The following ROBO2 variants were observed in gnomAD, a reference collection of about 807,000 sequenced individuals.
The protein encoded by ROBO2 is roundabout guidance receptor 2.
Under a neutral mutation model 160.8 loss-of-function variants are expected in ROBO2, and 53 were observed. The ratio of observed to expected loss-of-function variants is 0.33; its 90% CI spans 0.26 to 0.41. ROBO2 has a LOEUF of 0.41. Among genes scored for constraint, ROBO2 ranks in the 10% least tolerant of loss-of-function variants. ROBO2 has a pLI of 1.00. For synonymous variants in ROBO2, 664 were observed against 611.7 expected (o/e 1.09, Z -1.26); for missense variants, 1,577 against 1,722.4 (o/e 0.92, Z 1.49).
At chr3:77,187,454 A>G (rs1284526638) in intron 2 of ROBO2, among the ~76,000 whole-genome samples, 1 of 151,956 alleles carries the variant, frequency 6.6e-6, no homozygotes, top group African/African-American at 2.4e-5. Context: ...ATGTCAAAAC[A>G]GTAAAATATC....
intron 2 of ROBO2, among the ~76,000 whole-genome samples, chr3:76,790,625 C>T (rs929966256): frequency 1.3e-5 from 2 of 151,656 alleles, no homozygotes; most frequent in Non-Finnish European, 3.0e-5. Flanking sequence ...TTATCTAACA[C>T]GAAGCTTACT....
intron 2 of ROBO2, among the ~76,000 whole-genome samples, chr3:76,296,808 G>T (rs1329307827): frequency 6.6e-6 from 1 of 152,164 alleles, no homozygotes; most frequent in Non-Finnish European, 1.5e-5. Context: ...TGACTTTATA[G>T]ATTCAATGTC....
chr3:75,921,883 C>T (rs952014980), intron 1 of ROBO2, among the ~76,000 whole-genome samples: 1 of 152,070 alleles, frequency 6.6e-6, no homozygotes, highest in Non-Finnish European at 1.5e-5. Flanking sequence ...ATGTGTAGAA[C>T]AAATTGGTAA....
At chr3:76,287,614 T>C (rs1245296873) in intron 2 of ROBO2, among the ~76,000 whole-genome samples, 1 of 152,208 alleles carries the variant, frequency 6.6e-6, no homozygotes, top group East Asian at 1.9e-4. Context: ...TCTTAAGTGA[T>C]TATTCTATTT....
At chr3:76,722,225 G>T (rs187843641) in intron 2 of ROBO2, among the ~76,000 whole-genome samples, 1 of 151,942 alleles carries the variant, frequency 6.6e-6, no homozygotes, top group East Asian at 1.9e-4. Context: ...GTTTCACGCC[G>T]TTCTTCTGCC....
At chr3:77,258,553 G>A (rs1001395558) in intron 2 of ROBO2, among the ~76,000 whole-genome samples, 1 of 151,036 alleles carries the variant, frequency 6.6e-6, no homozygotes, top group Admixed American at 6.6e-5. Flanking sequence ...AACCCGGGAG[G>A]TTAAGACTTC....
rs1435637364 is a variant in ROBO2, at chr3:77,546,316, TTTC to T, written c.935-19_935-17del. The T allele has an allele frequency of 6.2e-7, 1 of 1,612,234 alleles. No individual in the cohort carries two copies. Among genetic ancestry groups the T allele is most frequent in the Non-Finnish European group, 8.5e-7 (1 of 1,178,666 alleles). On this transcript the variant is annotated intron_variant, in intron 6 of 25. Coordinates refer to ENST00000461745, the Ensembl canonical transcript of ROBO2. ...TTGTCTATGGTTGATATTTACACGC[TTTC>T]TTTTCTTTTAAATTATAGCTCCCCC...
At chr3:77,189,474 C>T (rs750303297) in intron 2 of ROBO2, among the ~76,000 whole-genome samples, 18 of 151,838 alleles carry the variant, frequency 1.2e-4, no homozygotes, top group Non-Finnish European at 2.1e-4. Flanking sequence ...TGGGAACATG[C>T]ATCACTTACA....
At chr3:76,026,642 A>G (rs1174186065) in intron 2 of ROBO2, among the ~76,000 whole-genome samples, 2 of 151,998 alleles carry the variant, frequency 1.3e-5, no homozygotes, top group African/African-American at 4.8e-5. Flanking sequence ...GTAATAAACA[A>G]AAGTACATGT....
intron 2 of ROBO2, among the ~76,000 whole-genome samples, chr3:77,355,391 C>T (rs1025994497): frequency 1.3e-5 from 2 of 152,102 alleles, no homozygotes; most frequent in African/African-American, 4.8e-5. Context: ...GTGTGTACAC[C>T]AAGAGTTTTG....
At chr3:75,931,914 A>C (rs1947560240) in intron 1 of ROBO2, among the ~76,000 whole-genome samples, 1 of 152,136 alleles carries the variant, frequency 6.6e-6, no homozygotes, top group Non-Finnish European at 1.5e-5. Context: ...AACTAAGATA[A>C]CATCTGATAC....
intron 2 of ROBO2, among the ~76,000 whole-genome samples, chr3:76,919,838 T>C (rs534952641): frequency 3.3e-5 from 5 of 152,320 alleles, no homozygotes; most frequent in Admixed American, 3.3e-4. Context: ...TGTTTTATTG[T>C]AGTATCATGT....
chr3:77,267,533 G>C (rs943940516), intron 2 of ROBO2, among the ~76,000 whole-genome samples: 1 of 152,116 alleles, frequency 6.6e-6, no homozygotes, highest in Non-Finnish European at 1.5e-5. Context: ...AAAGAATAAG[G>C]GTGCTTGTTA....
intron 2 of ROBO2, among the ~76,000 whole-genome samples, chr3:76,700,924 T>G (rs2093033882): frequency 1.3e-5 from 2 of 152,134 alleles, no homozygotes; most frequent in Admixed American, 6.6e-5. Context: ...TGTTGGACAT[T>G]TTCATTTTAA....
At chr3:76,208,379 T>G (rs1340140977) in intron 2 of ROBO2, among the ~76,000 whole-genome samples, 1 of 152,194 alleles carries the variant, frequency 6.6e-6, no homozygotes, top group Non-Finnish European at 1.5e-5. Context: ...AATATAATAC[T>G]TTTTCAAATA....
chr3:77,406,105 G>T (rs755812620), intron 2 of ROBO2, among the ~76,000 whole-genome samples: 9 of 152,110 alleles, frequency 5.9e-5, no homozygotes, highest in Non-Finnish European at 1.2e-4. Flanking sequence ...ATGGCAGAAG[G>T]TGAAGGGAAA....
intron 24 of ROBO2, 132 bp from the exon 27 acceptor site, chr3:77,644,572 C>A: frequency 3.6e-6 from 3 of 828,344 alleles, no homozygotes; most frequent in Non-Finnish European, 3.9e-6. Context: ...CCTGATTAAA[C>A]TTCATAATTT....
intron 2 of ROBO2, among the ~76,000 whole-genome samples, chr3:77,233,895 A>G (rs1383356035): frequency 6.6e-6 from 1 of 152,208 alleles, no homozygotes; most frequent in Non-Finnish European, 1.5e-5. Flanking sequence ...CACAGCATAC[A>G]AATATATATG....
At chr3:77,586,059 C>T (rs34171318) in intron 16 of ROBO2, among the ~76,000 whole-genome samples, 17,311 of 152,086 alleles carry the variant, frequency 0.11, 1,105 homozygotes, top group Admixed American at 0.15. Flanking sequence ...CATTAAGGAA[C>T]CATTAATTAA....
Sources: gnomAD v4.1 joint callset for allele counts (sites outside exome capture counted in the v4.1 genomes callset) on GRCh38, gnomAD v4.1.1 for gene constraint, MANE v1.5 for transcripts, NCBI Gene and HGNC (gene_info 2026-07-23, HGNC 2026-07-21) for gene names.